The following DLGAP3 variants were observed in gnomAD, a reference collection of about 807,000 sequenced individuals.
DLGAP3 encodes the protein disks large-associated protein 3.
Under a neutral mutation model 81.2 loss-of-function variants are expected in DLGAP3, and 17 were observed. That is an observed-to-expected ratio of 0.21 (90% CI 0.14 to 0.31). The LOEUF (loss-of-function observed/expected upper bound fraction) is 0.31. Among genes scored for constraint, DLGAP3 ranks in the 10% least tolerant of loss-of-function variants. The probability of loss-of-function intolerance (pLI) is 1.00; values close to 1 mark genes in which losing one functional copy is unlikely to be tolerated. For synonymous variants in DLGAP3, 577 were observed against 587.4 expected (o/e 0.98, Z 0.26); for missense variants, 1,124 against 1,388.0 (o/e 0.81, Z 3.02).
intron 5 of DLGAP3, among the ~76,000 whole-genome samples, chr1:34,897,027 A>G (rs1639389169): frequency 6.6e-6 from 1 of 152,202 alleles, no homozygotes; most frequent in South Asian, 2.1e-4. Context: ...TGTAGCTATA[A>G]CTATTTTCAA....
At chr1:34,920,063 C>T (rs766412418) in intron 1 of DLGAP3, among the ~76,000 whole-genome samples, 1 of 152,172 alleles carries the variant, frequency 6.6e-6, no homozygotes, top group Non-Finnish European at 1.5e-5. Context: ...ACCCCCACCA[C>T]ATCTGGCTTC....
chr1:34,899,678 G>T lies in DLGAP3; in HGVS notation c.1377C>A (p.Thr459=), dbSNP rs1351968168. Residue 459 remains threonine, a synonymous_variant, in exon 5 of 12, where the codon ACC becomes ACA. Coordinates refer to ENST00000373347, the MANE Select transcript of DLGAP3 (RefSeq NM_001080418.3). ...CTGGGCCTCTCCCTACCTGTCCAGT[G>T]GTGAGGGAACGGCTGTAGCCAGGGA... ...SSIPGYSRSL[T]TGQLSDELNQ... is the part of the protein sequence containing the mutation. 1.2e-6 allele frequency: 2 copies of T among 1,613,600 alleles called. No homozygotes were observed. Among genetic ancestry groups the T allele is most frequent in the Non-Finnish European group, 1.7e-6 (2 of 1,179,606 alleles).
chr1:34,891,481 T>G (rs1639311043), intron 5 of DLGAP3, among the ~76,000 whole-genome samples: 1 of 152,020 alleles, frequency 6.6e-6, no homozygotes, highest in Non-Finnish European at 1.5e-5. Flanking sequence ...ACCAAGGGAG[T>G]TTGATAAGCT....
At chr1:34,901,869 C>T (rs964684208) in intron 3 of DLGAP3, among the ~76,000 whole-genome samples, 21 of 152,144 alleles carry the variant, frequency 1.4e-4, no homozygotes, top group African/African-American at 3.4e-4. Context: ...AGGATGCAAG[C>T]GACTTTGGAC....
chr1:34,913,672 G>A (rs988393354), intron 1 of DLGAP3, among the ~76,000 whole-genome samples: 2 of 152,192 alleles, frequency 1.3e-5, no homozygotes, highest in African/African-American at 4.8e-5. Context: ...AGCATTTTGA[G>A]TGTCTAGAAC....
At chr1:34,919,872 C>A (rs1464622737) in intron 1 of DLGAP3, among the ~76,000 whole-genome samples, 1 of 152,192 alleles carries the variant, frequency 6.6e-6, no homozygotes, top group South Asian at 2.1e-4. Context: ...CAAATGGGGA[C>A]CCCTTCCTCC....
Position 34,867,515 on chromosome 1 carries a change from TCTA to T in DLGAP3, c.2577+18_2577+20del. 1 of 1,597,510 alleles carries T rather than the reference TCTA, an allele frequency of 6.3e-7. No individual in the cohort carries two copies. The highest frequency in any genetic ancestry group is 1.1e-5 in the South Asian group (1 of 90,752). ...TCTGGGTCACATGTATCTGGTAGGA[TCTA>T]CTACTATGGGCACTCACCATGCTTT... is the stretch of plus-strand genomic sequence containing the variant. On this transcript the variant is annotated intron_variant, in intron 10 of 11. Coordinates refer to ENST00000373347, the MANE Select transcript of DLGAP3 (RefSeq NM_001080418.3). This position sits in a 1 kb window ranked among gnomAD's most constrained non-coding sequence, Gnocchi z 4.3.
chr1:34,885,648 C>T lies in DLGAP3; in HGVS notation c.1744G>A (p.Ala582Thr). 1 of 1,471,166 alleles carries T rather than the reference C, an allele frequency of 6.8e-7. No homozygotes were observed. Among genetic ancestry groups the T allele is most frequent in the Non-Finnish European group, 9.0e-7 (1 of 1,116,824 alleles). 91.1% of individuals were successfully genotyped at this position (1,471,166 alleles called of 1,614,324 possible). ...ATGGCGGGGCCGTCCAGCCCGTCGG[C>T]GGAGCTGCAGCGCCGGGCGGGGCCC... ...AEGPARRCSS[A>T]DGLDGPAMGA... The change falls in exon 7 of 12, where the codon GCC (alanine) becomes ACC (threonine). Residue 582 changes from alanine to threonine, a missense_variant. Ala to Thr is a moderately conservative substitution (Grantham distance 58). Around this residue, in one of 9 missense-constraint regions of DLGAP3, gnomAD observed 379 missense variants for 455.7 expected, o/e 0.83. Transcript: ENST00000373347.
chr1:34,904,185 G>C lies in DLGAP3; in HGVS notation c.1107+92C>G, dbSNP rs979490113. On this transcript the variant is annotated intron_variant, in intron 3 of 11. Coordinates refer to ENST00000373347, the MANE Select transcript of DLGAP3 (RefSeq NM_001080418.3). This position sits in a 1 kb window ranked among gnomAD's most constrained non-coding sequence, Gnocchi z 8.1. ...ACCCAGGCCCTCCATCACAGGGACA[G>C]CTGGCTCCCACCCAACCCTTTCCAC... The C allele has an allele frequency of 2.6e-6, 4 of 1,511,278 alleles. No homozygotes were observed. In the African/African-American group the frequency reaches 5.5e-5, roughly 21 times the overall value. The allele number at this position is 1,511,278 out of a possible 1,614,324, so 93.6% of individuals were successfully genotyped here.
At chr1:34,916,646 TTTTTATTTTATTTTATTTTATTTTA>T (rs139003111) in intron 1 of DLGAP3, among the ~76,000 whole-genome samples, 15,301 of 138,060 alleles carry the variant, frequency 0.11, 1,286 homozygotes, top group East Asian at 0.32. Context: ...ATACTTTTAT[TTTTTATTTTATTTTATTTTATTTTA>T]TTTTATTTTA....
intron 5 of DLGAP3, among the ~76,000 whole-genome samples, chr1:34,891,996 A>G (rs1256390685): frequency 6.6e-6 from 1 of 152,264 alleles, no homozygotes; most frequent in African/African-American, 2.4e-5. Flanking sequence ...ATTATGAAAC[A>G]TGCAAATAAA....
At chr1:34,924,015 A>G (rs981559372) in intron 1 of DLGAP3, among the ~76,000 whole-genome samples, 2 of 152,092 alleles carry the variant, frequency 1.3e-5, no homozygotes, top group Non-Finnish European at 2.9e-5. Flanking sequence ...AGCCACCATC[A>G]TCCCTTCCTG....
intron 1 of DLGAP3, among the ~76,000 whole-genome samples, chr1:34,919,683 G>T (rs1207914371): frequency 1.3e-5 from 2 of 152,184 alleles, no homozygotes; most frequent in Admixed American, 6.5e-5. Flanking sequence ...AGGAGGCTGA[G>T]ACAGGGGAAT....
chr1:34,928,228 G>A (rs1639902022), intron 1 of DLGAP3, among the ~76,000 whole-genome samples: 1 of 152,128 alleles, frequency 6.6e-6, no homozygotes, highest in Admixed American at 6.5e-5. Context: ...GAACTTGAAG[G>A]TTTGGGACTT....
At chr1:34,877,427 G>A (rs1408562269) in intron 8 of DLGAP3, among the ~76,000 whole-genome samples, 1 of 152,114 alleles carries the variant, frequency 6.6e-6, no homozygotes, top group Admixed American at 6.5e-5. Context: ...AGCCTCAAAG[G>A]GAGATATTAA....
At chr1:34,914,742 T>G (rs1470135604) in intron 1 of DLGAP3, among the ~76,000 whole-genome samples, 1 of 152,204 alleles carries the variant, frequency 6.6e-6, no homozygotes, top group Non-Finnish European at 1.5e-5. Flanking sequence ...AGAAACTACT[T>G]AAATGCATGA....
At chr1:34,896,584 AT>A (rs1378191606) in intron 5 of DLGAP3, among the ~76,000 whole-genome samples, 17 of 149,920 alleles carry the variant, frequency 1.1e-4, no homozygotes, top group East Asian at 5.9e-4. Context: ...GCCAGACTCC[AT>A]CACACACACA....
intron 5 of DLGAP3, among the ~76,000 whole-genome samples, chr1:34,890,647 T>C (rs1553122658): frequency 2.0e-5 from 3 of 152,228 alleles, no homozygotes; most frequent in Non-Finnish European, 4.4e-5. Context: ...GAAATTGATG[T>C]CCCTGGTTAG....
chr1:34,867,721 G>T lies in DLGAP3; in HGVS notation c.2486-94C>A. 1 of 1,021,784 alleles carries T rather than the reference G, an allele frequency of 9.8e-7. No individual in the cohort carries two copies. The highest frequency in any genetic ancestry group is 1.5e-6 in the Non-Finnish European group (1 of 653,232). The allele number at this position is 1,021,784 out of a possible 1,614,324, so 63.3% of individuals were successfully genotyped here. A position where few individuals can be genotyped will look rare whatever the true frequency, so the allele number is the denominator to read the frequency against. On this transcript the variant is annotated intron_variant, in intron 9 of 11. Coordinates refer to ENST00000373347, the MANE Select transcript of DLGAP3 (RefSeq NM_001080418.3). The surrounding 1 kb of genome is among the most constrained non-coding windows in gnomAD (Gnocchi z 4.3). ...CCTGAATGACGCTGACCCCTCGGTT[G>T]CTTGGCACTGTGTATCCATCAGTCT...
Sources: gnomAD v4.1 joint callset for allele counts (sites outside exome capture counted in the v4.1 genomes callset) on GRCh38, gnomAD v4.1.1 for gene constraint, gnomAD v4.1.1 regional missense constraint, Gnocchi (gnomAD v3.1) non-coding constraint, MANE v1.5 for transcripts, NCBI Gene and HGNC (gene_info 2026-07-23, HGNC 2026-07-21) for gene names.